The following ARHGAP26 variants were observed in gnomAD, a reference collection of about 807,000 sequenced individuals.
ARHGAP26 encodes Rho GTPase activating protein 26.
ARHGAP26 carries 38 observed loss-of-function variants against 104.8 expected under a neutral mutation model. That is an observed-to-expected ratio of 0.36 (90% CI 0.28 to 0.48). ARHGAP26 has a LOEUF of 0.48. Ranked by LOEUF, ARHGAP26 falls within the 20% of genes least tolerant of loss-of-function variation. The pLI, the probability that ARHGAP26 is intolerant of heterozygous loss-of-function variation, is 0.99. For missense variants in ARHGAP26, 704 were observed against 947.9 expected, an observed-to-expected ratio of 0.74 and a Z score of 3.38; for synonymous variants, 341 against 340.0, an observed-to-expected ratio of 1.00 and a Z score of -0.03.
At chr5:142,912,733 A>C (rs543802417) in intron 9 of ARHGAP26, among the ~76,000 whole-genome samples, 5 of 152,226 alleles carry the variant, frequency 3.3e-5, no homozygotes, top group African/African-American at 1.2e-4. Flanking sequence ...ATCAATGCGC[A>C]GTTTCAGCTA....
At chr5:142,809,694 C>T (rs755176169) in intron 1 of ARHGAP26, among the ~76,000 whole-genome samples, 4 of 152,212 alleles carry the variant, frequency 2.6e-5, no homozygotes, top group Non-Finnish European at 5.9e-5. Flanking sequence ...GCTTTCCCTC[C>T]TCTTAACTTC....
chr5:143,062,157 T>C (rs894039881), intron 17 of ARHGAP26, among the ~76,000 whole-genome samples: 1 of 152,174 alleles, frequency 6.6e-6, no homozygotes, highest in Non-Finnish European at 1.5e-5. Context: ...TCAAGATATA[T>C]AGGACAAAAA....
At chr5:142,853,211 G>A (rs189976384) in intron 1 of ARHGAP26, among the ~76,000 whole-genome samples, 41 of 152,016 alleles carry the variant, frequency 2.7e-4, no homozygotes, top group African/African-American at 9.4e-4. Context: ...TTGAGACAGG[G>A]TCTTCTTTTG....
intron 20 of ARHGAP26, among the ~76,000 whole-genome samples, chr5:143,179,148 C>T (rs1267886881): frequency 1.3e-5 from 2 of 152,142 alleles, no homozygotes; most frequent in Non-Finnish European, 1.5e-5. Context: ...GGATTACAGG[C>T]GTGAGCCACC....
At chr5:143,132,412 G>C (rs927062838) in intron 18 of ARHGAP26, among the ~76,000 whole-genome samples, 2 of 151,508 alleles carry the variant, frequency 1.3e-5, no homozygotes, top group African/African-American at 4.8e-5. Context: ...TTAGGAAGGA[G>C]AAAACTCAGG....
intron 20 of ARHGAP26, among the ~76,000 whole-genome samples, chr5:143,175,821 A>G (rs148514657): frequency 3.3e-4 from 51 of 152,338 alleles, no homozygotes; most frequent in African/African-American, 1.2e-3. Context: ...CATCTGAAAT[A>G]TGGCACAATA....
intron 11 of ARHGAP26, among the ~76,000 whole-genome samples, chr5:142,986,146 C>T (rs924032716): frequency 3.9e-5 from 6 of 152,308 alleles, no homozygotes; most frequent in Non-Finnish European, 8.8e-5. Context: ...GTTCCTATTT[C>T]TCCACATCCT....
At chr5:143,128,103 C>T (rs1320447090) in intron 18 of ARHGAP26, among the ~76,000 whole-genome samples, 2 of 152,188 alleles carry the variant, frequency 1.3e-5, no homozygotes, top group East Asian at 3.8e-4. Flanking sequence ...AATGCTTCTG[C>T]CACAGGGCTA....
intron 12 of ARHGAP26, among the ~76,000 whole-genome samples, chr5:143,020,899 C>T (rs1463361403): frequency 6.6e-6 from 1 of 152,128 alleles, no homozygotes; most frequent in African/African-American, 2.4e-5. Context: ...CTCGGCCTCC[C>T]AAAGTGCTGG....
intron 11 of ARHGAP26, among the ~76,000 whole-genome samples, chr5:142,972,018 C>G (rs1262970785): frequency 6.6e-6 from 1 of 152,066 alleles, no homozygotes; most frequent in African/African-American, 2.4e-5. Flanking sequence ...TCCTTCTCTA[C>G]TAAAAATACA....
At position 143,114,152 on chromosome 5, in the gene ARHGAP26, G is replaced by T. The variant is rs1220854358; in HGVS notation, c.1539-6836G>T. ...ATTAATTATTTCAGGCTTCCTGTCT[G>T]GCTTCTCACTAGATAACCATTCCCA... On this transcript the variant is annotated intron_variant, in intron 17 of 22. Coordinates refer to ENST00000645722, the MANE Select transcript of ARHGAP26 (RefSeq NM_001135608.3). Among the ~76,000 whole-genome samples the T allele has an allele frequency of 2.0e-5, 3 of 152,184 alleles. No individual in the cohort carries two copies. The East Asian group carries it at 5.8e-4, about 29-fold the overall frequency.
chr5:143,181,972 C>G (rs1187332068), intron 20 of ARHGAP26, among the ~76,000 whole-genome samples: 2 of 152,190 alleles, frequency 1.3e-5, no homozygotes, highest in African/African-American at 2.4e-5. Flanking sequence ...GGCTGCCTCC[C>G]TGGCTTGTAC....
intron 1 of ARHGAP26, among the ~76,000 whole-genome samples, chr5:142,826,156 A>G (rs1437697891): frequency 6.6e-6 from 1 of 152,210 alleles, no homozygotes; most frequent in Non-Finnish European, 1.5e-5. Context: ...GGGATATGAT[A>G]TGTGATCAAA....
chr5:142,914,463 G>A (rs1436271218), intron 10 of ARHGAP26, among the ~76,000 whole-genome samples: 1 of 152,198 alleles, frequency 6.6e-6, no homozygotes, highest in Non-Finnish European at 1.5e-5. Flanking sequence ...TTCTCACCTG[G>A]AAAATGAAGT....
chr5:143,091,961 C>G (rs897246633), intron 17 of ARHGAP26, among the ~76,000 whole-genome samples: 1 of 152,162 alleles, frequency 6.6e-6, no homozygotes, highest in Non-Finnish European at 1.5e-5. Flanking sequence ...AATCCTTTTA[C>G]CAAAGTTTTA....
Position 142,914,795 on chromosome 5 carries a change from A to G in ARHGAP26, c.1028+1502A>G, listed in dbSNP as rs547207509. Among the ~76,000 whole-genome samples, 22 of 152,336 alleles carry G rather than the reference A, an allele frequency of 1.4e-4. No individual in the cohort carries two copies. The South Asian group carries it at 4.3e-3, about 30-fold the overall frequency. On this transcript the variant is annotated intron_variant, in intron 10 of 22. Coordinates refer to ENST00000645722, the MANE Select transcript of ARHGAP26 (RefSeq NM_001135608.3). Reference sequence around the variant, plus strand: ...TTATTACTGGTTTTAAACAAAACCTAAACCTTGGTGCTTTAAGCATCTCCC... The same window carrying G: ...TTATTACTGGTTTTAAACAAAACCTGAACCTTGGTGCTTTAAGCATCTCCC...
rs1554172223 is a variant in ARHGAP26, at chr5:142,963,188, A to ATATATATATG, written c.1107+31072_1107+31073insGTATATATAT. 9.7e-4 allele frequency among the ~76,000 whole-genome samples: 106 copies of ATATATATATG among 109,772 alleles called. 1 individual carries two copies. The highest frequency in any genetic ancestry group is 5.1e-3 in the African/African-American group (100 of 19,536). The allele number at this position is 109,772 out of a possible 152,430, so 72.0% of individuals were successfully genotyped here. Reference sequence around the variant, plus strand: ...GGTATATATGTATATATATATATATATATATATATATGTGTGTGTGTGTGT... The same window carrying ATATATATATG: ...GGTATATATGTATATATATATATATATATATATATGTATATATATATGTGTGTGTGTGTGT... On this transcript the variant is annotated intron_variant, in intron 11 of 22. Coordinates refer to ENST00000645722, the MANE Select transcript of ARHGAP26 (RefSeq NM_001135608.3).
At chr5:142,900,170 C>T (rs554563522) in intron 6 of ARHGAP26, among the ~76,000 whole-genome samples, 1 of 152,280 alleles carries the variant, frequency 6.6e-6, no homozygotes, top group South Asian at 2.1e-4. Context: ...AGAGGAGCCT[C>T]CTCTCCTCTG....
At chr5:142,882,101 A>G (rs1167343794) in intron 4 of ARHGAP26, among the ~76,000 whole-genome samples, 3 of 152,204 alleles carry the variant, frequency 2.0e-5, no homozygotes, top group African/African-American at 7.2e-5. Context: ...CTCTAGAATA[A>G]GTATAACAGA....
Sources: allele counts gnomAD v4.1 joint callset (sites outside exome capture counted in the v4.1 genomes callset), GRCh38; gene constraint gnomAD v4.1.1; transcripts MANE v1.5; gene names NCBI Gene and HGNC (gene_info 2026-07-23, HGNC 2026-07-21).